Variants in KRT24 observed in about 807,000 individuals in gnomAD.
KRT24 encodes keratin, type I cytoskeletal 24.
In KRT24, 44 loss-of-function variants were observed where a neutral mutation model predicts 51.7. The ratio of observed to expected loss-of-function variants is 0.85; its 90% CI spans 0.67 to 1.09. The LOEUF (loss-of-function observed/expected upper bound fraction) is 1.09, where lower values mean the gene tolerates loss of function less well. KRT24 is among the 50% of genes least tolerant of loss of function. The pLI is 0.00. For missense variants in KRT24, 633 were observed against 647.0 expected, an observed-to-expected ratio of 0.98 and a Z score of 0.24; for synonymous variants, 241 against 249.5, an observed-to-expected ratio of 0.97 and a Z score of 0.32.
In KRT24 at chr17:40,700,275, C is replaced by G. The variant is rs201916933; in HGVS notation, c.964G>C (p.Glu322Gln). ...CGGCGGTTTTGCTCAGCCAGCTCCTCGTACTGCGCCCTCATGTCATTCAGT... is the reference window on the plus strand; with the variant it reads ...CGGCGGTTTTGCTCAGCCAGCTCCTGGTACTGCGCCCTCATGTCATTCAGT... ...KLLNDMRAQY[E>Q]ELAEQNRREA... Residue 322 changes from glutamate to glutamine, a missense_variant, in exon 4 of 8, where the codon GAG becomes CAG. Glu to Gln is a conservative substitution (Grantham distance 29). Transcript: ENST00000264651. The G allele has an allele frequency of 6.2e-7, 1 of 1,614,142 alleles. No individual in the cohort carries two copies. Among genetic ancestry groups the G allele is most frequent in the Non-Finnish European group, 8.5e-7 (1 of 1,180,018 alleles).
chr17:40,698,901 A>C (rs2037640777), intron 6 of KRT24, among the ~76,000 whole-genome samples: 1 of 145,794 alleles, frequency 6.9e-6, no homozygotes. Context: ...TTTTGAGACA[A>C]GGTCTCGTTC....
rs747329204 is a variant in KRT24, at chr17:40,703,118, A to G, written c.576T>C (p.Tyr192=). ...CTTCAATTATTGAATAGTATTTGCT[A>G]TAATCTCTTCCCGATCCACCGTCTC... is the stretch of plus-strand genomic sequence containing the variant. ...GSGDGGSGRD[Y]SKYYSIIEDL... is the part of the protein sequence containing the mutation. The change falls in exon 1 of 8, where the codon TAT becomes TAC. Residue 192 remains tyrosine, a synonymous_variant. Coordinates refer to ENST00000264651, the MANE Select transcript of KRT24 (RefSeq NM_019016.3). 3 of 1,612,836 alleles carry G rather than the reference A, an allele frequency of 1.9e-6. No homozygotes were observed. Among genetic ancestry groups the G allele is most frequent in the Non-Finnish European group, 2.5e-6 (3 of 1,179,500 alleles).
intron 7 of KRT24, 89 bp downstream of exon 7, chr17:40,698,448 TA>T (rs924188278): frequency 3.0e-5 from 33 of 1,104,404 alleles, no homozygotes; most frequent in African/African-American, 3.0e-4. Context: ...TAAGATTATG[TA>T]AAAAATAGCG....
chr17:40,702,647 A>G (rs2037696822), intron 1 of KRT24, among the ~76,000 whole-genome samples: 1 of 152,216 alleles, frequency 6.6e-6, no homozygotes, highest in Non-Finnish European at 1.5e-5. Context: ...GTGGCTAAAC[A>G]TTTTAGATTC....
chr17:40,699,351 A>C (rs931914184), intron 6 of KRT24, 93 bp downstream of exon 6: 24 of 942,300 alleles, frequency 2.5e-5, no homozygotes, highest in East Asian at 4.8e-5. Flanking sequence ...ATTACTCTCT[A>C]TATATACAAG....
At chr17:40,702,405 C>T (rs1254118132) in intron 1 of KRT24, among the ~76,000 whole-genome samples, 1 of 152,094 alleles carries the variant, frequency 6.6e-6, no homozygotes, top group Non-Finnish European at 1.5e-5. Flanking sequence ...AAGTATACAG[C>T]CCCAGACCTG....
intron 1 of KRT24, among the ~76,000 whole-genome samples, chr17:40,702,535 C>T (rs1039902967): frequency 3.9e-5 from 6 of 152,148 alleles, no homozygotes; most frequent in Non-Finnish European, 8.8e-5. Flanking sequence ...CATATTTCTG[C>T]TACTTTGTTA....
chr17:40,699,926 CT>C, intron 5 of KRT24, 71 bp downstream of exon 5: 1 of 1,597,572 alleles, frequency 6.3e-7, no homozygotes. Context: ...CCTAGTGAAC[CT>C]CTTGGCAAAG....
rs750071252 is a variant in KRT24 at position 40,703,620 on chromosome 17, C to A, written c.74G>T (p.Ser25Ile). Residue 25 changes from serine (S) to isoleucine (I), a missense_variant, in exon 1 of 8, where the codon AGC becomes ATC. Physicochemically the swap from Ser to Ile is moderately radical, Grantham distance 142. Transcript: ENST00000264651. ...SSSARVSAGGSSFSSGSRCGL... is the reference protein window; with the variant it reads ...SSSARVSAGGISFSSGSRCGL... ...ACATCTGCTTCCACTGCTGAAGCTG[C>A]TTCCACCAGCAGACACCCTGGCTGA... 1 of 1,611,730 alleles carries A rather than the reference C, an allele frequency of 6.2e-7. No individual in the cohort carries two copies. The highest frequency in any genetic ancestry group is 1.1e-5 in the South Asian group (1 of 90,698).
At chr17:40,701,388 C>T in intron 2 of KRT24, 92 bp from the exon 3 acceptor site, 1 of 1,069,206 alleles carries the variant, frequency 9.4e-7, no homozygotes, top group Admixed American at 2.9e-5. Context: ...TGAAAAAGTT[C>T]TCACTTGTGG....
chr17:40,701,099 T>A, intron 3 of KRT24, 41 bp downstream of exon 3: 1 of 1,596,624 alleles, frequency 6.3e-7, no homozygotes, highest in Non-Finnish European at 8.6e-7. Context: ...GGGAGAAATA[T>A]GTTAGCTAGA....
At position 40,700,126 on chromosome 17, in the gene KRT24, A is replaced by C. The variant is rs200473377; in HGVS notation, c.1018-3T>G. On this transcript the variant is annotated splice_region_variant and splice_polypyrimidine_tract_variant and intron_variant, in intron 4 of 7. Coordinates refer to ENST00000264651, the MANE Select transcript of KRT24 (RefSeq NM_019016.3). The stretch of plus-strand genomic sequence containing the variant: ...ATTTGTGCTTGTAGTGATGCGCTCT[A>C]AATACAAACATAATGCAGCTGTTGT... 3.7e-6 allele frequency: 6 copies of C among 1,614,148 alleles called. No individual in the cohort carries two copies.
At position 40,698,470 on chromosome 17, in the gene KRT24, G is replaced by A. The variant is rs36105662; in HGVS notation, c.1474+68C>T. 2,451 of 1,141,730 alleles carry A rather than the reference G, an allele frequency of 2.1e-3. 39 individuals carry two copies. In the African/African-American group the frequency reaches 0.029, roughly 13 times the overall value. 70.7% of individuals were successfully genotyped at this position (1,141,730 alleles called of 1,614,324 possible). On this transcript the variant is annotated intron_variant, in intron 7 of 7. Coordinates refer to ENST00000264651, the MANE Select transcript of KRT24 (RefSeq NM_019016.3). ...ATGTAAAAAATAGCGGACTCTTTTAGTATGACAAGCAAAGTATGTCTTCAC... is the reference window on the plus strand; with the variant it reads ...ATGTAAAAAATAGCGGACTCTTTTAATATGACAAGCAAAGTATGTCTTCAC...
chr17:40,698,375 A>T (rs2037632242), intron 7 of KRT24, 35 bp from the exon 8 acceptor site: 1 of 1,386,682 alleles, frequency 7.2e-7, no homozygotes, highest in African/African-American at 1.4e-5. Context: ...CAGTCTGGAA[A>T]CTCTCACAGA....
At chr17:40,700,415 C>T (rs1567862390) in intron 3 of KRT24, 32 bp from the exon 4 acceptor site, 2 of 1,554,072 alleles carry the variant, frequency 1.3e-6, no homozygotes, top group Non-Finnish European at 1.8e-6. Flanking sequence ...TATCGTGATG[C>T]AAACAGAAAA....
chr17:40,701,761 A>ATG (rs1567863079), intron 2 of KRT24, 90 bp downstream of exon 2: 1 of 40,872 alleles, frequency 2.4e-5, no homozygotes, highest in Non-Finnish European at 5.0e-5. Flanking sequence ...ATATATATAT[A>ATG]TATATATATA....
chr17:40,700,314 C>A lies in KRT24; in HGVS notation c.925G>T (p.Asp309Tyr), dbSNP rs752704369. ...TVEMNAAPGT[D>Y]LTKLLNDMRA... ...ATGTCATTCAGTAATTTGGTCAGGT[C>A]GGTCCCTGGCGCAGCATTCATTTCT... Residue 309 changes from aspartate (D) to tyrosine (Y), a missense_variant, in exon 4 of 8, where the codon GAC (aspartate) becomes TAC (tyrosine). By Grantham distance (160) the Asp-to-Tyr change is radical. Coordinates refer to ENST00000264651, the MANE Select transcript of KRT24 (RefSeq NM_019016.3). 2.5e-6 allele frequency: 4 copies of A among 1,613,930 alleles called. No homozygotes were observed. In the African/African-American group the frequency reaches 5.3e-5, roughly 22 times the overall value.
At chr17:40,701,965 G>A (rs777299953) in intron 1 of KRT24, 32 bp from the exon 2 acceptor site, 6 of 1,196,792 alleles carry the variant, frequency 5.0e-6, no homozygotes, top group East Asian at 2.7e-5. Context: ...AGTGAATCAC[G>A]AATGATTTTT....
Position 40,699,573 on chromosome 17 carries a change from T to A in KRT24, c.1232A>T (p.Glu411Val). 3 of 1,614,070 alleles carry A rather than the reference T, an allele frequency of 1.9e-6. No homozygotes were observed. Among genetic ancestry groups the A allele is most frequent in the Non-Finnish European group, 2.5e-6 (3 of 1,179,922 alleles). ...ACCCCAGATCTGGCAGATCTCCTCC[T>A]CCAGGGCACTGATCTGCGTTTGAAT... The part of the protein sequence containing the change: ...SEIQTQISAL[E>V]EEICQIWGET... Residue 411 changes from glutamate to valine, a missense_variant, in exon 6 of 8, where the codon GAG (glutamate) becomes GTG (valine). By Grantham distance (121) the Glu-to-Val change is moderately radical. Transcript: ENST00000264651.
Sources: gnomAD v4.1 joint callset for allele counts (sites outside exome capture counted in the v4.1 genomes callset) on GRCh38, gnomAD v4.1.1 for gene constraint, MANE v1.5 for transcripts, NCBI Gene and HGNC (gene_info 2026-07-23, HGNC 2026-07-21) for gene names.